CDYL: variants seen among roughly 807,000 people sequenced by gnomAD.
CDYL encodes chromodomain Y like.
CDYL carries 8 observed loss-of-function variants against 47.3 expected under a neutral mutation model. The ratio of observed to expected loss-of-function variants is 0.17; its 90% CI spans 0.10 to 0.31. The LOEUF (loss-of-function observed/expected upper bound fraction) is 0.31, where lower values mean the gene tolerates loss of function less well. CDYL is among the 10% of genes least tolerant of loss of function. The probability of loss-of-function intolerance (pLI) is 1.00; values close to 1 mark genes in which losing one functional copy is unlikely to be tolerated. For synonymous variants in CDYL, 266 were observed against 265.0 expected, an observed-to-expected ratio of 1.00 and a Z score of -0.04; for missense variants, 471 against 701.4, an observed-to-expected ratio of 0.67 and a Z score of 3.71.
At chr6:4,788,993 G>A (rs1758842418) in intron 1 of CDYL, among the ~76,000 whole-genome samples, 1 of 152,118 alleles carries the variant, frequency 6.6e-6, no homozygotes, top group African/African-American at 2.4e-5. Flanking sequence ...GGCGGGCCAG[G>A]TGCTGCTCCT....
chr6:4,714,313 G>C (rs1160004218), intron 1 of CDYL: 1 of 152,122 alleles, frequency 6.6e-6, no homozygotes, highest in Non-Finnish European at 1.5e-5. Context: ...GACAACATCA[G>C]AGCACCTGGG....
intron 2 of CDYL, among the ~76,000 whole-genome samples, chr6:4,904,929 A>T (rs1463085032): frequency 1.3e-5 from 2 of 152,176 alleles, no homozygotes; most frequent in Non-Finnish European, 2.9e-5. Context: ...CATGCACTGA[A>T]ATGGAGGTGT....
At chr6:4,938,503 A>G (rs918429580) in intron 4 of CDYL, among the ~76,000 whole-genome samples, 3 of 152,236 alleles carry the variant, frequency 2.0e-5, no homozygotes, top group Non-Finnish European at 2.9e-5. Flanking sequence ...AACATGGTGT[A>G]TTGAAACACG....
At chr6:4,854,798 A>C (rs1378940987) in intron 1 of CDYL, among the ~76,000 whole-genome samples, 1 of 152,204 alleles carries the variant, frequency 6.6e-6, no homozygotes, top group African/African-American at 2.4e-5. Context: ...AGGGGTGTAC[A>C]TGAAGCACCA....
rs536857438 is a variant in CDYL at position 4,732,734 on chromosome 6, TAAG to T, written c.104-2025_104-2023del. On this transcript the variant is annotated intron_variant, in intron 2 of 8. Transcript: ENST00000328908. The stretch of plus-strand genomic sequence containing the variant: ...TCAATTTTGAGGGGAAAAAAGGTAA[TAAG>T]AAAAAACAAGGAGAAAGCAATAGAT... 1.6e-4 allele frequency among the ~76,000 whole-genome samples: 24 copies of T among 149,654 alleles called. 1 individual carries two copies. In the East Asian group the frequency reaches 2.6e-3, roughly 16 times the overall value.
At chr6:4,756,573 C>CGTGTGTCT (rs1228739911) in intron 3 of CDYL, among the ~76,000 whole-genome samples, 1 of 125,236 alleles carries the variant, frequency 8.0e-6, no homozygotes, top group African/African-American at 4.0e-5. Context: ...TTAAAATTAT[C>CGTGTGTCT]GTGTGTATGT....
chr6:4,941,024 G>A (rs1194211022), intron 4 of CDYL, among the ~76,000 whole-genome samples: 3 of 152,212 alleles, frequency 2.0e-5, no homozygotes, highest in Non-Finnish European at 2.9e-5. Context: ...GATATTTCCA[G>A]ATTAGTAAAT....
chr6:4,923,901 AAAAAAAAAAAAAAAAATC>A (rs1166013710), intron 2 of CDYL, among the ~76,000 whole-genome samples: 1 of 6,974 alleles, frequency 1.4e-4, no homozygotes, highest in African/African-American at 6.1e-4. Flanking sequence ...ACTCCGTCTC[AAAAAAAAAAAAAAAAATC>A]AAAAAAAAAA....
At chr6:4,813,912 G>A (rs549716243) in intron 1 of CDYL, among the ~76,000 whole-genome samples, 3 of 150,038 alleles carry the variant, frequency 2.0e-5, no homozygotes, top group African/African-American at 7.4e-5. Flanking sequence ...TGGAACTACA[G>A]AAGTGTGCCA....
rs571266838 is a variant in CDYL at position 4,894,982 on chromosome 6, CAT to C, written c.691+2606_691+2607del. Reference sequence around the variant, plus strand: ...ATATACGTATGTGTATATGTGTATGCATATGTGTATACTTGTGTGTATGTTTA... The same window carrying C: ...ATATACGTATGTGTATATGTGTATGCATGTGTATACTTGTGTGTATGTTTA... On this transcript the variant is annotated intron_variant, in intron 2 of 6. Coordinates refer to ENST00000397588, the MANE Select transcript of CDYL (RefSeq NM_004824.4). Among the ~76,000 whole-genome samples, 68 of 146,884 alleles carry C rather than the reference CAT, an allele frequency of 4.6e-4. 1 individual carries two copies. The East Asian group carries it at 5.0e-3, about 11-fold the overall frequency.
intron 3 of CDYL, among the ~76,000 whole-genome samples, chr6:4,750,776 A>G (rs1208806440): frequency 6.6e-6 from 1 of 152,160 alleles, no homozygotes; most frequent in East Asian, 1.9e-4. Context: ...TCATTTAAAA[A>G]AAAATCACGC....
intron 1 of CDYL, among the ~76,000 whole-genome samples, chr6:4,828,693 T>C (rs567780244): frequency 1.3e-5 from 2 of 152,346 alleles, no homozygotes; most frequent in East Asian, 1.9e-4. Context: ...ATTATTTATT[T>C]AGATAATCAC....
At chr6:4,861,071 C>T (rs808607) in intron 1 of CDYL, among the ~76,000 whole-genome samples, 32,204 of 152,166 alleles carry the variant, frequency 0.21, 5,022 homozygotes, top group African/African-American at 0.45. Context: ...GAAAGTGAGA[C>T]TAGTTCATTA....
At chr6:4,750,068 G>C (rs1757963991) in intron 3 of CDYL, among the ~76,000 whole-genome samples, 1 of 152,156 alleles carries the variant, frequency 6.6e-6, no homozygotes, top group Non-Finnish European at 1.5e-5. Flanking sequence ...GCCAGGCATG[G>C]TGGCTCACCC....
chr6:4,724,085 C>A (rs115027975), intron 2 of CDYL, among the ~76,000 whole-genome samples: 1 of 152,190 alleles, frequency 6.6e-6, no homozygotes, highest in South Asian at 2.1e-4. Flanking sequence ...GACACCCAGG[C>A]TCTGGAGTGC....
intron 1 of CDYL, among the ~76,000 whole-genome samples, chr6:4,848,349 G>T (rs980603704): frequency 4.6e-5 from 7 of 152,124 alleles, no homozygotes; most frequent in Admixed American, 2.6e-4. Context: ...ATAGAAATTG[G>T]AGAGTTTCGT....
At chr6:4,735,455 T>A (rs142578452) in intron 3 of CDYL, among the ~76,000 whole-genome samples, 1,618 of 152,096 alleles carry the variant, frequency 0.011, 29 homozygotes, top group African/African-American at 0.037. Flanking sequence ...AGGATATAAT[T>A]GACATACAAA....
chr6:4,898,705 CAG>C (rs1278258953), intron 2 of CDYL, among the ~76,000 whole-genome samples: 5 of 152,250 alleles, frequency 3.3e-5, no homozygotes, highest in Admixed American at 1.3e-4. Context: ...GATTCTAGTG[CAG>C]AGTTTCAGGC....
At chr6:4,777,001 C>T (rs1375871116) in intron 1 of CDYL, among the ~76,000 whole-genome samples, 194 bp downstream of exon 1, 1 of 148,758 alleles carries the variant, frequency 6.7e-6, no homozygotes, top group Non-Finnish European at 1.5e-5. Context: ...GCCGGGGGGT[C>T]CTGAAGTTGC....
Sources: allele counts gnomAD v4.1 joint callset (sites outside exome capture counted in the v4.1 genomes callset), GRCh38; gene constraint gnomAD v4.1.1; transcripts MANE v1.5; gene names NCBI Gene and HGNC (gene_info 2026-07-23, HGNC 2026-07-21).